Variants in KCNC2 observed in about 807,000 individuals in gnomAD.
KCNC2 encodes potassium voltage-gated channel subfamily C member 2.
Under a neutral mutation model 44.5 loss-of-function variants are expected in KCNC2, and 21 were observed. The ratio of observed to expected loss-of-function variants is 0.47; its 90% CI spans 0.33 to 0.68. KCNC2 has a LOEUF of 0.68. Among genes scored for constraint, KCNC2 ranks in the 30% least tolerant of loss-of-function variants. KCNC2 has a pLI of 0.01. For synonymous variants in KCNC2, 391 were observed against 339.1 expected (o/e 1.15, Z -1.68); for missense variants, 589 against 826.2 (o/e 0.71, Z 3.52).
At chr12:75,163,139 T>C (rs1891227602) in intron 2 of KCNC2, among the ~76,000 whole-genome samples, 1 of 151,718 alleles carries the variant, frequency 6.6e-6, no homozygotes. Context: ...CAAAGCCTTG[T>C]AAGGGGAGAG....
At chr12:75,191,472 C>T (rs555471633) in intron 2 of KCNC2, among the ~76,000 whole-genome samples, 35 of 144,978 alleles carry the variant, frequency 2.4e-4, no homozygotes, top group African/African-American at 7.8e-4. Context: ...ATCTTAAAAC[C>T]ACAAATTCAT....
At chr12:75,085,192 C>T (rs1884894570) in intron 2 of KCNC2, among the ~76,000 whole-genome samples, 1 of 151,972 alleles carries the variant, frequency 6.6e-6, no homozygotes, top group African/African-American at 2.4e-5. Flanking sequence ...TTAGTTCTTG[C>T]AATTGTATTT....
intron 2 of KCNC2, among the ~76,000 whole-genome samples, chr12:75,183,635 A>G (rs113726329): frequency 0.013 from 2,014 of 152,306 alleles, 26 homozygotes; most frequent in Middle Eastern, 0.031. Flanking sequence ...TAACATAATC[A>G]TTATGACTCG....
intron 2 of KCNC2, among the ~76,000 whole-genome samples, chr12:75,070,630 A>AT (rs1226667415): frequency 2.0e-5 from 3 of 151,954 alleles, no homozygotes; most frequent in South Asian, 2.1e-4. Context: ...AACTTTAAAA[A>AT]AATATATATA....
chr12:75,045,367 T>G (rs1193482199), intron 4 of KCNC2, among the ~76,000 whole-genome samples: 1 of 151,974 alleles, frequency 6.6e-6, no homozygotes, highest in African/African-American at 2.4e-5. Context: ...AATATTCTAT[T>G]CTGTTTATGG....
intron 2 of KCNC2, among the ~76,000 whole-genome samples, chr12:75,072,949 C>T (rs1883565437): frequency 6.6e-6 from 1 of 152,090 alleles, no homozygotes; most frequent in South Asian, 2.1e-4. Context: ...AAATGGTGCC[C>T]ATTCAAAGCA....
intron 2 of KCNC2, among the ~76,000 whole-genome samples, chr12:75,145,431 T>G (rs1889950989): frequency 6.6e-6 from 1 of 151,982 alleles, no homozygotes; most frequent in Admixed American, 6.6e-5. Flanking sequence ...CTAAGCCAGC[T>G]ACATTAAGCT....
chr12:75,043,884 A>G, intron 4 of KCNC2: 1 of 925,918 alleles, frequency 1.1e-6, no homozygotes, highest in South Asian at 2.0e-5. Context: ...ATTTCAGTGA[A>G]ATAAGTTTGA....
At chr12:75,203,263 G>A (rs1593091934) in intron 2 of KCNC2, among the ~76,000 whole-genome samples, 1 of 151,766 alleles carries the variant, frequency 6.6e-6, no homozygotes, top group African/African-American at 2.4e-5. Flanking sequence ...GTGGCTTGGC[G>A]AAGAGGAAAA....
At chr12:75,107,065 G>A (rs1419452705) in intron 2 of KCNC2, among the ~76,000 whole-genome samples, 1 of 152,098 alleles carries the variant, frequency 6.6e-6, no homozygotes, top group East Asian at 1.9e-4. Flanking sequence ...AGCACTTTGG[G>A]GGGCTGAGGG....
At chr12:75,068,119 A>T (rs1353842231) in intron 2 of KCNC2, among the ~76,000 whole-genome samples, 1 of 152,124 alleles carries the variant, frequency 6.6e-6, no homozygotes, top group Non-Finnish European at 1.5e-5. Flanking sequence ...ATCTGGAGGG[A>T]TAGACCCAGA....
chr12:75,047,050 T>G (rs1380122841), intron 4 of KCNC2, among the ~76,000 whole-genome samples: 1 of 152,006 alleles, frequency 6.6e-6, no homozygotes, highest in Non-Finnish European at 1.5e-5. Context: ...CGGTATTATT[T>G]AAATGCAGTT....
intron 4 of KCNC2, among the ~76,000 whole-genome samples, chr12:75,047,061 G>T (rs145978893): frequency 4.1e-4 from 62 of 152,040 alleles, no homozygotes; most frequent in Non-Finnish European, 7.5e-4. Context: ...AAATGCAGTT[G>T]TGCTAATATG....
intron 2 of KCNC2, among the ~76,000 whole-genome samples, chr12:75,150,929 A>G (rs1026678177): frequency 6.6e-6 from 1 of 151,940 alleles, no homozygotes; most frequent in African/African-American, 2.4e-5. Flanking sequence ...TCCATTTTCT[A>G]TGCACCCATG....
rs200437159 is a variant in KCNC2 at position 75,040,351 on chromosome 12, C to T, written c.*2754G>A. On this transcript the variant is annotated 3_prime_UTR_variant, in exon 5 of 5. Coordinates refer to ENST00000549446, the MANE Select transcript of KCNC2 (RefSeq NM_139137.4). ...TCTACAACAGTTTTAAAGACACGTA[C>T]AAGCTTCATTTGCCACAAAACTCAC... 2.6e-5 allele frequency: 4 copies of T among 152,046 alleles called. No homozygotes were observed. The highest frequency in any genetic ancestry group is 2.0e-4 in the Admixed American group (3 of 15,212). The allele number at this position is 152,046 out of a possible 1,614,324, so 9.4% of individuals were successfully genotyped here.
intron 3 of KCNC2, among the ~76,000 whole-genome samples, chr12:75,049,101 A>T (rs1880882701): frequency 6.6e-6 from 1 of 152,168 alleles, no homozygotes; most frequent in Admixed American, 6.6e-5. Flanking sequence ...TCATAAATAC[A>T]TTCTTAACAG....
chr12:75,197,893 C>A (rs1444183517), intron 2 of KCNC2, among the ~76,000 whole-genome samples: 1 of 151,740 alleles, frequency 6.6e-6, no homozygotes, highest in African/African-American at 2.4e-5. Flanking sequence ...ACTAAGAAAT[C>A]ACCTAAGATA....
At chr12:75,090,948 C>T (rs1315007183) in intron 2 of KCNC2, among the ~76,000 whole-genome samples, 1 of 151,744 alleles carries the variant, frequency 6.6e-6, no homozygotes, top group African/African-American at 2.4e-5. Flanking sequence ...CATGACCAAT[C>T]ACATCAATTA....
intron 2 of KCNC2, among the ~76,000 whole-genome samples, chr12:75,188,259 A>G (rs2029876614): frequency 6.6e-6 from 1 of 152,326 alleles, no homozygotes; most frequent in East Asian, 1.9e-4. Context: ...CTACAGCACC[A>G]TAAATACATA....
Sources: gnomAD v4.1 joint callset for allele counts (sites outside exome capture counted in the v4.1 genomes callset) on GRCh38, gnomAD v4.1.1 for gene constraint, MANE v1.5 for transcripts, NCBI Gene and HGNC (gene_info 2026-07-23, HGNC 2026-07-21) for gene names.